The following KATNAL1 variants were observed in gnomAD, a reference collection of about 807,000 sequenced individuals.
KATNAL1 encodes katanin catalytic subunit A1 like 1.
Under a neutral mutation model 55.2 loss-of-function variants are expected in KATNAL1, and 32 were observed. The observed-to-expected ratio is 0.58, with a 90% CI of 0.44 to 0.78. The LOEUF is 0.78. Ranked by LOEUF, KATNAL1 falls within the 30% of genes least tolerant of loss-of-function variation. The pLI is 0.00. For missense variants in KATNAL1, 466 were observed against 600.9 expected (o/e 0.78, Z 2.35); for synonymous variants, 193 against 193.6 (o/e 1.00, Z 0.02).
At chr13:30,280,494 T>C (rs17074504) in intron 2 of KATNAL1, among the ~76,000 whole-genome samples, 8,663 of 152,208 alleles carry the variant, frequency 0.057, 375 homozygotes, top group East Asian at 0.26. Flanking sequence ...TGATGATCAT[T>C]AATACAATTT....
chr13:30,224,576 A>G (rs911464384), intron 9 of KATNAL1, among the ~76,000 whole-genome samples: 1 of 152,002 alleles, frequency 6.6e-6, no homozygotes, highest in Non-Finnish European at 1.5e-5. Context: ...CCTAAAACCA[A>G]TAACCTTAGT....
intron 5 of KATNAL1, 84 bp downstream of exon 5, chr13:30,240,875 A>G: frequency 1.6e-6 from 2 of 1,238,302 alleles, no homozygotes; most frequent in Non-Finnish European, 2.3e-6. Context: ...AGATTAATGA[A>G]TAACAAGAGA....
At chr13:30,240,711 T>C (rs1877182586) in intron 5 of KATNAL1, 146 bp from the exon 6 acceptor site, 1 of 690,560 alleles carries the variant, frequency 1.4e-6, no homozygotes, top group East Asian at 2.7e-5. Flanking sequence ...AAAAGATCAG[T>C]GAAAACATTA....
intron 3 of KATNAL1, among the ~76,000 whole-genome samples, chr13:30,264,676 C>T (rs112504484): frequency 7.5e-6 from 1 of 133,146 alleles, no homozygotes; most frequent in African/African-American, 2.6e-5. Flanking sequence ...CAATGAGATA[C>T]CATCTCACAC....
At chr13:30,248,788 G>A (rs1035916818) in intron 4 of KATNAL1, among the ~76,000 whole-genome samples, 14 of 151,934 alleles carry the variant, frequency 9.2e-5, no homozygotes, top group East Asian at 3.9e-4. Flanking sequence ...GGCCAGGTGC[G>A]GGGGCTCACG....
At chr13:30,223,272 T>G (rs185442875) in intron 9 of KATNAL1, among the ~76,000 whole-genome samples, 25 of 140,940 alleles carry the variant, frequency 1.8e-4, no homozygotes, top group Non-Finnish European at 3.3e-4. Flanking sequence ...ACTCCGTCTC[T>G]ACTACTAAAA....
At chr13:30,307,103 C>A (rs2137583875) in intron 1 of KATNAL1, 1 of 152,300 alleles carries the variant, frequency 6.6e-6, no homozygotes, top group African/African-American at 2.4e-5. Flanking sequence ...TCCGAGCTAC[C>A]CCACCAAGAC....
At chr13:30,281,562 A>T (rs1042121277) in intron 2 of KATNAL1, among the ~76,000 whole-genome samples, 2 of 152,224 alleles carry the variant, frequency 1.3e-5, no homozygotes, top group Non-Finnish European at 2.9e-5. Flanking sequence ...TATTGTTCTC[A>T]ATCAATATAA....
chr13:30,269,571 A>C (rs1880085278), intron 3 of KATNAL1, among the ~76,000 whole-genome samples: 1 of 131,000 alleles, frequency 7.6e-6, no homozygotes, highest in African/African-American at 3.0e-5. Context: ...CTGGCTGCCC[A>C]GTCTGGAAAG....
intron 9 of KATNAL1, among the ~76,000 whole-genome samples, chr13:30,215,801 G>C (rs1180083473): frequency 1.3e-5 from 2 of 152,074 alleles, no homozygotes; most frequent in Non-Finnish European, 2.9e-5. Flanking sequence ...GGGAGGGATA[G>C]CATTAGAAGA....
intron 3 of KATNAL1, among the ~76,000 whole-genome samples, chr13:30,256,450 T>A (rs1374018710): frequency 6.6e-6 from 1 of 152,188 alleles, no homozygotes; most frequent in Non-Finnish European, 1.5e-5. Context: ...TCTGTTTTCC[T>A]ACCTTTTCTC....
chr13:30,251,250 AAGT>A (rs1259499484), intron 4 of KATNAL1, among the ~76,000 whole-genome samples: 2 of 90,460 alleles, frequency 2.2e-5, no homozygotes, highest in Non-Finnish European at 4.9e-5. Context: ...TATCCTTCTT[AAGT>A]AAAAAAAATC....
chr13:30,205,846 T>C lies in KATNAL1; in HGVS notation c.*2694A>G, dbSNP rs1037211516. On this transcript the variant is annotated 3_prime_UTR_variant, in exon 11 of 11. Transcript: ENST00000380615. Reference sequence around the variant, plus strand: ...GCAATAAAGACTCTGTGTGTGTGTATGTGTGTGTATGTGTGTCTGTCTCAC... The same window carrying C: ...GCAATAAAGACTCTGTGTGTGTGTACGTGTGTGTATGTGTGTCTGTCTCAC... The C allele has an allele frequency of 3.3e-5, 5 of 152,584 alleles. No homozygotes were observed. Among genetic ancestry groups the C allele is most frequent in the Non-Finnish European group, 5.7e-5 (4 of 69,856 alleles). The allele number at this position is 152,584 out of a possible 1,614,324, so 9.5% of individuals were successfully genotyped here. A position where few individuals can be genotyped will look rare whatever the true frequency, so the allele number is the denominator to read the frequency against.
At chr13:30,256,044 T>G (rs1313179495) in intron 3 of KATNAL1, among the ~76,000 whole-genome samples, 1 of 152,236 alleles carries the variant, frequency 6.6e-6, no homozygotes, top group Non-Finnish European at 1.5e-5. Flanking sequence ...AGTCTATTTG[T>G]ACAGTTTACT....
At position 30,206,969 on chromosome 13, in the gene KATNAL1, T is replaced by C. The variant is rs1159526113; in HGVS notation, c.*1571A>G. ...ACAGCATCAGATGAATACTGGAGTT[T>C]AGGTCAGACTTAAGTTATCTGAAAA... On this transcript the variant is annotated 3_prime_UTR_variant, in exon 11 of 11. Coordinates refer to ENST00000380615, the MANE Select transcript of KATNAL1 (RefSeq NM_032116.5). The C allele has an allele frequency of 6.6e-6, 1 of 152,162 alleles. No individual in the cohort carries two copies. Among genetic ancestry groups the C allele is most frequent in the African/African-American group, 2.4e-5 (1 of 41,442 alleles). 9.4% of individuals were successfully genotyped at this position (152,162 alleles called of 1,614,324 possible).
chr13:30,242,096 A>G (rs910831058), intron 4 of KATNAL1, among the ~76,000 whole-genome samples: 1 of 152,204 alleles, frequency 6.6e-6, no homozygotes, highest in African/African-American at 2.4e-5. Flanking sequence ...ATTTTATAGT[A>G]CAGATAGGCC....
At position 30,265,385 on chromosome 13, in the gene KATNAL1, T is replaced by A. The variant is rs1593912782; in HGVS notation, c.324-9770A>T. 2.2e-5 allele frequency among the ~76,000 whole-genome samples: 3 copies of A among 133,596 alleles called. No individual in the cohort carries two copies. The South Asian group carries it at 7.5e-4, about 33-fold the overall frequency. The allele number at this position is 133,596 out of a possible 152,430, so 87.6% of individuals were successfully genotyped here. A position where few individuals can be genotyped will look rare whatever the true frequency, so the allele number is the denominator to read the frequency against. ...ATTTAAAGTATAATAATAATAAATT[T>A]AAAAAATAAAAAATAAAAAAATTAA... On this transcript the variant is annotated intron_variant, in intron 3 of 10. Transcript: ENST00000380615.
intron 4 of KATNAL1, among the ~76,000 whole-genome samples, chr13:30,255,234 A>G (rs1339603440): frequency 6.6e-6 from 1 of 152,156 alleles, no homozygotes; most frequent in Non-Finnish European, 1.5e-5. Flanking sequence ...ATTTTTATAC[A>G]TGTATGTGTA....
intron 1 of KATNAL1, among the ~76,000 whole-genome samples, chr13:30,305,723 G>A (rs1399470225): frequency 1.3e-5 from 2 of 152,114 alleles, no homozygotes; most frequent in Non-Finnish European, 2.9e-5. Context: ...ATTTCCTCTG[G>A]GCTCCTAGAG....
Sources: allele counts gnomAD v4.1 joint callset (sites outside exome capture counted in the v4.1 genomes callset), GRCh38; gene constraint gnomAD v4.1.1; transcripts MANE v1.5; gene names NCBI Gene and HGNC (gene_info 2026-07-23, HGNC 2026-07-21).